Variants in NCKAP5 observed in about 807,000 individuals in gnomAD.
NCKAP5 encodes the protein nck-associated protein 5.
In NCKAP5, 92 loss-of-function variants were observed where a neutral mutation model predicts 167.0. The ratio of observed to expected loss-of-function variants is 0.55; its 90% CI spans 0.47 to 0.66. The LOEUF (loss-of-function observed/expected upper bound fraction) is 0.66. Ranked by LOEUF, NCKAP5 falls within the 30% of genes least tolerant of loss-of-function variation. The pLI is 0.00. For missense variants in NCKAP5, 2,378 were observed against 2,315.0 expected, an observed-to-expected ratio of 1.03 and a Z score of -0.56; for synonymous variants, 891 against 877.4, an observed-to-expected ratio of 1.02 and a Z score of -0.27.
At chr2:133,021,210 C>T (rs1186610895) in intron 6 of NCKAP5, among the ~76,000 whole-genome samples, 1 of 152,058 alleles carries the variant, frequency 6.6e-6, no homozygotes, top group Non-Finnish European at 1.5e-5. Context: ...CAGGTTACGG[C>T]ATGCAGAGAT....
intron 7 of NCKAP5, among the ~76,000 whole-genome samples, chr2:132,975,924 G>C (rs1300219546): frequency 2.0e-5 from 3 of 152,148 alleles, no homozygotes; most frequent in Non-Finnish European, 2.9e-5. Context: ...AGAAGGAACT[G>C]ACAACCCCGT....
chr2:132,692,847 ATC>A (rs1352738848), intron 19 of NCKAP5, among the ~76,000 whole-genome samples: 1 of 152,204 alleles, frequency 6.6e-6, no homozygotes, highest in Non-Finnish European at 1.5e-5. Flanking sequence ...TTCTTTCCAC[ATC>A]TCTGCTATCT....
At chr2:133,526,191 G>A (rs1332846036) in intron 2 of NCKAP5, among the ~76,000 whole-genome samples, 1 of 129,856 alleles carries the variant, frequency 7.7e-6, no homozygotes, top group Non-Finnish European at 1.6e-5. Flanking sequence ...AAGGAAGGAA[G>A]GAAGGAAGGA....
intron 16 of NCKAP5, among the ~76,000 whole-genome samples, chr2:132,754,983 A>C (rs966544599): frequency 1.3e-4 from 20 of 152,258 alleles, no homozygotes; most frequent in African/African-American, 3.6e-4. Flanking sequence ...CCTAGGGTTC[A>C]GCACAATGCC....
At chr2:133,027,618 A>G (rs2078743555) in intron 6 of NCKAP5, among the ~76,000 whole-genome samples, 1 of 151,948 alleles carries the variant, frequency 6.6e-6, no homozygotes, top group African/African-American at 2.4e-5. Context: ...TGTAAAGGGG[A>G]CTCCTGTCTC....
intron 4 of NCKAP5, among the ~76,000 whole-genome samples, chr2:133,267,982 AT>A (rs1574550905): frequency 6.6e-6 from 1 of 152,252 alleles, no homozygotes; most frequent in African/African-American, 2.4e-5. Context: ...AGTTTTATAC[AT>A]TCTTCTCAAG....
chr2:132,985,628 G>A (rs140758084), intron 7 of NCKAP5, among the ~76,000 whole-genome samples: 1 of 152,284 alleles, frequency 6.6e-6, no homozygotes, highest in Non-Finnish European at 1.5e-5. Flanking sequence ...TCCGCCTTCT[G>A]TATCTGAACT....
At chr2:133,554,211 C>T (rs951168424) in intron 2 of NCKAP5, 3 of 152,166 alleles carry the variant, frequency 2.0e-5, no homozygotes, top group African/African-American at 2.4e-5. Context: ...TTTTTATTCA[C>T]TCAAAGTCAA....
At chr2:133,066,608 T>C (rs2080204348) in intron 6 of NCKAP5, among the ~76,000 whole-genome samples, 1 of 152,146 alleles carries the variant, frequency 6.6e-6, no homozygotes, top group Admixed American at 6.5e-5. Flanking sequence ...TGCCATATGT[T>C]CCATTACACA....
At chr2:132,767,304 T>C (rs10205670) in intron 16 of NCKAP5, among the ~76,000 whole-genome samples, 21,933 of 152,004 alleles carry the variant, frequency 0.14, 1,682 homozygotes, top group East Asian at 0.18. Context: ...TGGAGTGCAA[T>C]GGTGCAATCT....
intron 2 of NCKAP5, among the ~76,000 whole-genome samples, chr2:133,536,684 GT>G (rs1011279435): frequency 8.6e-5 from 13 of 151,516 alleles, no homozygotes; most frequent in South Asian, 2.1e-4. Flanking sequence ...AGTTCTAAGA[GT>G]TTTTTTTATA....
chr2:133,252,008 T>A (rs983738426), intron 4 of NCKAP5, among the ~76,000 whole-genome samples: 1 of 152,224 alleles, frequency 6.6e-6, no homozygotes, highest in Non-Finnish European at 1.5e-5. Context: ...TTTTAATTTT[T>A]ATTTTAATTT....
At chr2:132,787,636 A>C (rs935530356) in intron 13 of NCKAP5, among the ~76,000 whole-genome samples, 1 of 152,182 alleles carries the variant, frequency 6.6e-6, no homozygotes, top group Non-Finnish European at 1.5e-5. Context: ...AATTTTCTTT[A>C]GGAAATTCTC....
At chr2:133,376,201 A>C (rs532560925) in intron 3 of NCKAP5, among the ~76,000 whole-genome samples, 1 of 152,368 alleles carries the variant, frequency 6.6e-6, no homozygotes, top group South Asian at 2.1e-4. Flanking sequence ...GTCATCTCAA[A>C]TTGAGAATAT....
intron 19 of NCKAP5, among the ~76,000 whole-genome samples, chr2:132,706,150 T>C (rs1688341114): frequency 6.6e-6 from 1 of 152,102 alleles, no homozygotes; most frequent in South Asian, 2.1e-4. Context: ...ATGAAATAAG[T>C]GTTGGGATGA....
chr2:133,377,085 G>A (rs1686197175), intron 3 of NCKAP5, among the ~76,000 whole-genome samples: 1 of 152,194 alleles, frequency 6.6e-6, no homozygotes. Flanking sequence ...AATTCTTACA[G>A]ATGAGTGTCT....
chr2:133,305,921 C>G (rs61620125), intron 3 of NCKAP5, among the ~76,000 whole-genome samples: 27,596 of 152,058 alleles, frequency 0.18, 3,461 homozygotes, highest in African/African-American at 0.36. Context: ...AAATGGATTG[C>G]GAAAAGAGAC....
intron 3 of NCKAP5, among the ~76,000 whole-genome samples, chr2:133,473,688 A>T (rs571734955): frequency 6.6e-6 from 1 of 152,354 alleles, no homozygotes; most frequent in African/African-American, 2.4e-5. Flanking sequence ...ATTACTTTTC[A>T]GCTATTCTAA....
intron 9 of NCKAP5, among the ~76,000 whole-genome samples, chr2:132,873,078 G>T (rs73956070): frequency 0.053 from 8,100 of 152,158 alleles, 230 homozygotes; most frequent in East Asian, 0.1. Context: ...GCATGTTCAG[G>T]TAAGCAGTTA....
Sources: allele counts gnomAD v4.1 joint callset (sites outside exome capture counted in the v4.1 genomes callset), GRCh38; gene constraint gnomAD v4.1.1; transcripts MANE v1.5; gene names NCBI Gene and HGNC (gene_info 2026-07-23, HGNC 2026-07-21).